The following ME3 variants were observed in gnomAD, a reference collection of about 807,000 sequenced individuals.
The protein encoded by ME3 is malic enzyme 3, also known as NADP-dependent malic enzyme, mitochondrial.
In ME3, 48 loss-of-function variants were observed where a neutral mutation model predicts 68.9. That is an observed-to-expected ratio of 0.70 (90% CI 0.55 to 0.89). The LOEUF (loss-of-function observed/expected upper bound fraction) is 0.89. ME3 is among the 40% of genes least tolerant of loss of function. The pLI is 0.00. For missense variants in ME3, 675 were observed against 797.4 expected, an observed-to-expected ratio of 0.85 and a Z score of 1.85; for synonymous variants, 320 against 318.8, an observed-to-expected ratio of 1.00 and a Z score of -0.04.
chr11:86,596,841 CT>C (rs1042749395), intron 2 of ME3, among the ~76,000 whole-genome samples: 2 of 152,330 alleles, frequency 1.3e-5, no homozygotes, highest in African/African-American at 4.8e-5. Context: ...AATTTTCCCT[CT>C]TTTTTCTTTA....
intron 8 of ME3, among the ~76,000 whole-genome samples, chr11:86,456,428 G>A (rs532184141): frequency 1.3e-5 from 2 of 152,244 alleles, no homozygotes; most frequent in African/African-American, 4.8e-5. Flanking sequence ...GTGCTGGATG[G>A]GGATTGGAGA....
At chr11:86,517,414 T>C (rs1258736671) in intron 4 of ME3, among the ~76,000 whole-genome samples, 1 of 152,224 alleles carries the variant, frequency 6.6e-6, no homozygotes. Context: ...GAATAAACTG[T>C]GCTTTAGGCA....
chr11:86,672,004 C>T (rs1946983278), intron 1 of ME3, 46 bp from the exon 2 acceptor site: 1 of 1,328,550 alleles, frequency 7.5e-7, no homozygotes, highest in Admixed American at 4.1e-5. Flanking sequence ...TCCAGCCAGC[C>T]AGGACCCACG....
chr11:86,541,618 C>T (rs546035226), intron 4 of ME3, among the ~76,000 whole-genome samples: 3 of 152,202 alleles, frequency 2.0e-5, no homozygotes, highest in Non-Finnish European at 4.4e-5. Flanking sequence ...CTGGGCAGGG[C>T]ATCTCTGAAA....
intron 2 of ME3, among the ~76,000 whole-genome samples, chr11:86,595,497 G>T (rs192801497): frequency 8.6e-6 from 1 of 116,874 alleles, no homozygotes; most frequent in African/African-American, 3.2e-5. Flanking sequence ...TCTGCCTTTA[G>T]AGTCTGTGCT....
At chr11:86,563,626 T>C (rs1194921134) in intron 2 of ME3, among the ~76,000 whole-genome samples, 1 of 152,208 alleles carries the variant, frequency 6.6e-6, no homozygotes, top group Non-Finnish European at 1.5e-5. Flanking sequence ...AATTTTTATA[T>C]ATGGTAAAAC....
intron 5 of ME3, 94 bp downstream of exon 5, chr11:86,508,698 C>T (rs1953273300): frequency 1.7e-6 from 2 of 1,207,146 alleles, no homozygotes; most frequent in African/African-American, 1.5e-5. Context: ...CCTTCAGTGT[C>T]ATAATGGCTC....
chr11:86,475,886 GAGAGAGAGAGAGAGAAAGAGAA>G, intron 7 of ME3, among the ~76,000 whole-genome samples: 1 of 144,962 alleles, frequency 6.9e-6, no homozygotes, highest in Non-Finnish European at 1.5e-5. Flanking sequence ...GAGAGAGAGA[GAGAGAGAGAGAGAGAAAGAGAA>G]AGAGAGAGAG....
intron 2 of ME3, among the ~76,000 whole-genome samples, chr11:86,568,545 T>C (rs773856775): frequency 6.6e-6 from 1 of 152,194 alleles, no homozygotes; most frequent in Non-Finnish European, 1.5e-5. Flanking sequence ...GGCTCAGCCA[T>C]GCCCAAGTTA....
At chr11:86,649,504 G>A (rs1310417147) in intron 2 of ME3, among the ~76,000 whole-genome samples, 1 of 152,210 alleles carries the variant, frequency 6.6e-6, no homozygotes, top group Non-Finnish European at 1.5e-5. Flanking sequence ...TATTCAAATA[G>A]GAAGAGAGGA....
At chr11:86,616,038 T>G (rs531617280) in intron 2 of ME3, among the ~76,000 whole-genome samples, 2 of 152,370 alleles carry the variant, frequency 1.3e-5, no homozygotes, top group African/African-American at 4.8e-5. Context: ...TTCTTGTCAC[T>G]TTAAGACAGT....
intron 4 of ME3, among the ~76,000 whole-genome samples, chr11:86,512,136 C>T (rs528877973): frequency 2.0e-5 from 3 of 152,286 alleles, no homozygotes; most frequent in Admixed American, 1.3e-4. Context: ...TCGTGAATTG[C>T]TTTTGTCTGT....
chr11:86,437,920 C>T (rs1310387441), downstream of ME3, among the ~76,000 whole-genome samples: 2 of 151,968 alleles, frequency 1.3e-5, no homozygotes, highest in African/African-American at 4.8e-5. Context: ...AGGATTAGGT[C>T]ATCTGTGAAT....
intron 4 of ME3, among the ~76,000 whole-genome samples, chr11:86,552,715 G>C (rs1262113033): frequency 6.6e-6 from 1 of 152,076 alleles, no homozygotes; most frequent in Non-Finnish European, 1.5e-5. Flanking sequence ...ATCTATCGTA[G>C]TCCTCTGCCC....
At chr11:86,659,229 T>G (rs1323868606) in intron 2 of ME3, among the ~76,000 whole-genome samples, 1 of 152,218 alleles carries the variant, frequency 6.6e-6, no homozygotes, top group Non-Finnish European at 1.5e-5. Context: ...TGTTTAATAT[T>G]AAAGCACTTC....
At chr11:86,466,170 C>T (rs1950469898) in intron 7 of ME3, among the ~76,000 whole-genome samples, 1 of 152,168 alleles carries the variant, frequency 6.6e-6, no homozygotes, top group African/African-American at 2.4e-5. Flanking sequence ...CTACAGGCCC[C>T]CTCAGCTTCT....
chr11:86,576,117 A>C (rs1465290604), intron 2 of ME3, among the ~76,000 whole-genome samples: 1 of 152,228 alleles, frequency 6.6e-6, no homozygotes. Flanking sequence ...CCAAGTCTTC[A>C]CCACTAAGTA....
intron 2 of ME3, among the ~76,000 whole-genome samples, chr11:86,649,580 A>C (rs1945263178): frequency 6.6e-6 from 1 of 152,242 alleles, no homozygotes; most frequent in Admixed American, 6.5e-5. Flanking sequence ...GTCTCAACCC[A>C]AAAACTCTTT....
chr11:86,660,420 G>T (rs113618695), intron 2 of ME3, among the ~76,000 whole-genome samples: 2 of 152,222 alleles, frequency 1.3e-5, no homozygotes, highest in African/African-American at 4.8e-5. Context: ...CTTACCATCT[G>T]CTTTACATAC....
Sources: allele counts gnomAD v4.1 joint callset (sites outside exome capture counted in the v4.1 genomes callset), GRCh38; gene constraint gnomAD v4.1.1; transcripts MANE v1.5; gene names NCBI Gene and HGNC (gene_info 2026-07-23, HGNC 2026-07-21).